The following DNAJC27 variants were observed in gnomAD, a reference collection of about 807,000 sequenced individuals.
The protein encoded by DNAJC27 is DnaJ heat shock protein family (Hsp40) member C27, also known as dnaJ homolog subfamily C member 27.
DNAJC27 carries 25 observed loss-of-function variants against 31.4 expected under a neutral mutation model. That is an observed-to-expected ratio of 0.80 (90% CI 0.58 to 1.11). DNAJC27 has a LOEUF of 1.11. Ranked by LOEUF, DNAJC27 falls within the 50% of genes most tolerant of loss-of-function variation. The pLI is 0.00. For missense variants in DNAJC27, 356 were observed against 347.3 expected (o/e 1.02, Z -0.20); for synonymous variants, 106 against 112.7 (o/e 0.94, Z 0.37).
intron 2 of DNAJC27, among the ~76,000 whole-genome samples, chr2:24,964,041 A>G (rs1006707181): frequency 2.0e-5 from 3 of 152,252 alleles, no homozygotes; most frequent in African/African-American, 7.2e-5. Flanking sequence ...AGAATTAACT[A>G]CTGTTAACAT....
At chr2:24,961,932 A>G (rs1666052013) in intron 3 of DNAJC27, among the ~76,000 whole-genome samples, 1 of 152,234 alleles carries the variant, frequency 6.6e-6, no homozygotes, top group African/African-American at 2.4e-5. Flanking sequence ...GTTTAACTGA[A>G]TTGACTCCAA....
At chr2:24,949,094 G>A (rs367914502) in intron 6 of DNAJC27, among the ~76,000 whole-genome samples, 1 of 152,008 alleles carries the variant, frequency 6.6e-6, no homozygotes, top group African/African-American at 2.4e-5. Context: ...CTCTTAGAGG[G>A]GTCCTGAATT....
chr2:24,959,042 C>G (rs1665978827), intron 3 of DNAJC27, among the ~76,000 whole-genome samples: 1 of 152,180 alleles, frequency 6.6e-6, no homozygotes, highest in Non-Finnish European at 1.5e-5. Flanking sequence ...TTTACAGAAA[C>G]CTAAGAAGCT....
In DNAJC27 at chr2:24,946,087, T is replaced by C. The variant is rs936152863; in HGVS notation, c.*1529A>G. On this transcript the variant is annotated 3_prime_UTR_variant, in exon 7 of 7. Coordinates refer to ENST00000264711, the MANE Select transcript of DNAJC27 (RefSeq NM_016544.3). Reference sequence around the variant, plus strand: ...TGATGTAACAAGAATGACGACGTAATGAGTCAAGTGGTGAGACTAGTTCTA... The same window carrying C: ...TGATGTAACAAGAATGACGACGTAACGAGTCAAGTGGTGAGACTAGTTCTA... The C allele has an allele frequency of 1.3e-5, 2 of 152,206 alleles. No homozygotes were observed. Among genetic ancestry groups the C allele is most frequent in the Non-Finnish European group, 2.9e-5 (2 of 68,044 alleles). 9.4% of individuals were successfully genotyped at this position (152,206 alleles called of 1,614,324 possible). A position where few individuals can be genotyped will look rare whatever the true frequency, so the allele number is the denominator to read the frequency against.
At chr2:24,968,147 C>A (rs1393093859) in intron 1 of DNAJC27, among the ~76,000 whole-genome samples, 1 of 152,152 alleles carries the variant, frequency 6.6e-6, no homozygotes, top group African/African-American at 2.4e-5. Flanking sequence ...GTACATACTT[C>A]TAGAGTTTGC....
chr2:24,947,523 G>A lies in DNAJC27; in HGVS notation c.*93C>T. The A allele has an allele frequency of 7.0e-7, 1 of 1,434,734 alleles. No homozygotes were observed. The highest frequency in any genetic ancestry group is 1.4e-5 in the South Asian group (1 of 73,640). 88.9% of individuals were successfully genotyped at this position (1,434,734 alleles called of 1,614,324 possible). A position where few individuals can be genotyped will look rare whatever the true frequency, so the allele number is the denominator to read the frequency against. On this transcript the variant is annotated 3_prime_UTR_variant, in exon 7 of 7. Coordinates refer to ENST00000264711, the MANE Select transcript of DNAJC27 (RefSeq NM_016544.3). ...AACACATGAATGAAAAGAGCAGTGA[G>A]ATTCTGGGAAGGAAAACTCCACGTT...
chr2:24,968,494 ATTTAT>A (rs1666243815), intron 1 of DNAJC27, among the ~76,000 whole-genome samples: 1 of 151,182 alleles, frequency 6.6e-6, no homozygotes, highest in South Asian at 2.1e-4. Flanking sequence ...GAATTTATTT[ATTTAT>A]TTATTTATTT....
intron 3 of DNAJC27, among the ~76,000 whole-genome samples, chr2:24,962,535 C>T (rs543403012): frequency 1.3e-5 from 2 of 152,260 alleles, no homozygotes; most frequent in East Asian, 1.9e-4. Context: ...GGATTACAGA[C>T]GTGAGCTACT....
chr2:24,963,252 T>C (rs1666092844), intron 3 of DNAJC27, 153 bp downstream of exon 3: 2 of 485,596 alleles, frequency 4.1e-6, no homozygotes, highest in South Asian at 4.5e-5. Flanking sequence ...AACAGTTGTC[T>C]ATTAACTCAA....
intron 4 of DNAJC27, 115 bp from the exon 5 acceptor site, chr2:24,957,280 C>CCCAGTGAGGGTCT: frequency 8.6e-7 from 1 of 1,162,868 alleles, no homozygotes. Context: ...TTAGTAAATG[C>CCCAGTGAGGGTCT]CTGCACTAGT....
In DNAJC27 at chr2:24,944,489, T is replaced by C. The variant is rs989084613; in HGVS notation, c.*3127A>G. ...TAACAGTGAATTAGGTACTAGTTTA[T>C]AGGTATAAAGAAATAGTTACTTAGT... On this transcript the variant is annotated 3_prime_UTR_variant, in exon 7 of 7. Coordinates refer to ENST00000264711, the MANE Select transcript of DNAJC27 (RefSeq NM_016544.3). 34 of 152,686 alleles carry C rather than the reference T, an allele frequency of 2.2e-4. No individual in the cohort carries two copies. Among genetic ancestry groups the C allele is most frequent in the African/African-American group, 6.7e-4 (28 of 41,544 alleles). 9.5% of individuals were successfully genotyped at this position (152,686 alleles called of 1,614,324 possible).
chr2:24,971,771 TC>T (rs1666346663), intron 1 of DNAJC27, 46 bp downstream of exon 1: 1 of 1,527,682 alleles, frequency 6.5e-7, no homozygotes, highest in Admixed American at 1.9e-5. Flanking sequence ...AATGGACACG[TC>T]GCCCCGCCAC....
At position 24,967,274 on chromosome 2, in the gene DNAJC27, T is replaced by C. The variant is rs1666209265; in HGVS notation, c.107A>G (p.Tyr36Cys). 4 of 1,613,218 alleles carry C rather than the reference T, an allele frequency of 2.5e-6. No homozygotes were observed. Among genetic ancestry groups the C allele is most frequent in the Non-Finnish European group, 3.4e-6 (4 of 1,179,354 alleles). Residue 36 changes from tyrosine (Y) to cysteine (C), a missense_variant, in exon 2 of 7, where the codon TAC becomes TGC. Coordinates refer to ENST00000264711, the MANE Select transcript of DNAJC27 (RefSeq NM_016544.3). Reference protein sequence around the residue: ...EVGKSCIIKRYCEKRFVSKYL... With the variant: ...EVGKSCIIKRCCEKRFVSKYL... ...TTTAGACACGAATCTTTTCTCACAG[T>C]ATCGCTTTATAATACAGCTCTAAAA...
At chr2:24,961,073 A>G (rs1418958480) in intron 3 of DNAJC27, among the ~76,000 whole-genome samples, 1 of 152,242 alleles carries the variant, frequency 6.6e-6, no homozygotes, top group Non-Finnish European at 1.5e-5. Context: ...AAAGCTTCAA[A>G]GGACAGGCTG....
chr2:24,956,976 T>C, intron 5 of DNAJC27, 67 bp downstream of exon 5: 1 of 1,557,892 alleles, frequency 6.4e-7, no homozygotes, highest in Non-Finnish European at 8.6e-7. Context: ...TTGCTTCCTA[T>C]AATTTAAACT....
rs1377788644 is a variant in DNAJC27 at position 24,945,692 on chromosome 2, G to GA, written c.*1923dup. The GA allele has an allele frequency of 6.6e-6, 1 of 152,178 alleles. No homozygotes were observed. Among genetic ancestry groups the GA allele is most frequent in the African/African-American group, 2.4e-5 (1 of 41,424 alleles). The allele number at this position is 152,178 out of a possible 1,614,324, so 9.4% of individuals were successfully genotyped here. On this transcript the variant is annotated 3_prime_UTR_variant, in exon 7 of 7. Transcript: ENST00000264711. ...CTCAGAAGCCAGTTAAAGGCCAGAG[G>GA]AAAACCTCGCAAGAAATAACATATA...
intron 2 of DNAJC27, 66 bp downstream of exon 2, chr2:24,967,145 A>G: frequency 8.0e-7 from 1 of 1,245,816 alleles, no homozygotes; most frequent in Non-Finnish European, 1.2e-6. Context: ...TGATGCAAAT[A>G]TGGATCATTT....
At chr2:24,968,346 A>G (rs1666240557) in intron 1 of DNAJC27, among the ~76,000 whole-genome samples, 1 of 152,130 alleles carries the variant, frequency 6.6e-6, no homozygotes, top group African/African-American at 2.4e-5. Flanking sequence ...GCATTCCTTA[A>G]TTTTTAACTT....
intron 1 of DNAJC27, among the ~76,000 whole-genome samples, chr2:24,970,960 A>T (rs567290409): frequency 6.6e-6 from 1 of 152,312 alleles, no homozygotes. Flanking sequence ...TTCGGAGTTG[A>T]TTTTGAACGC....
Sources: allele counts gnomAD v4.1 joint callset (sites outside exome capture counted in the v4.1 genomes callset), GRCh38; gene constraint gnomAD v4.1.1; transcripts MANE v1.5; gene names NCBI Gene and HGNC (gene_info 2026-07-23, HGNC 2026-07-21).